PRKN: variants seen among roughly 807,000 people sequenced by gnomAD.
PRKN encodes the protein E3 ubiquitin-protein ligase parkin.
PRKN carries 56 observed loss-of-function variants against 59.5 expected under a neutral mutation model. The observed-to-expected ratio is 0.94, with a 90% confidence interval of 0.76 to 1.18. The LOEUF is 1.18. Ranked by LOEUF, PRKN falls within the 50% of genes most tolerant of loss-of-function variation. The pLI, the probability that PRKN is intolerant of heterozygous loss-of-function variation, is 0.00. For missense variants in PRKN, 657 were observed against 596.4 expected (o/e 1.10, Z -1.06); for synonymous variants, 250 against 222.1 (o/e 1.13, Z -1.12).
At chr6:162,526,767 C>A (rs1583728813) in intron 1 of PRKN, among the ~76,000 whole-genome samples, 1 of 152,160 alleles carries the variant, frequency 6.6e-6, no homozygotes, top group South Asian at 2.1e-4. Context: ...CCAGAGAGGC[C>A]TGGAGACAGA....
chr6:161,702,788 A>G (rs1786308713), intron 7 of PRKN, among the ~76,000 whole-genome samples: 1 of 152,232 alleles, frequency 6.6e-6, no homozygotes, highest in South Asian at 2.1e-4. Context: ...AAGAAAACAC[A>G]GGAGAAAAAT....
At chr6:162,225,905 T>TATATATAC (rs1554287394) in intron 3 of PRKN, among the ~76,000 whole-genome samples, 2 of 146,690 alleles carry the variant, frequency 1.4e-5, no homozygotes, top group East Asian at 4.0e-4. Context: ...TATATATATA[T>TATATATAC]ACTTTTGTTA....
At chr6:161,672,340 A>C (rs1180355880) in intron 7 of PRKN, among the ~76,000 whole-genome samples, 1 of 152,258 alleles carries the variant, frequency 6.6e-6, no homozygotes, top group Admixed American at 6.5e-5. Flanking sequence ...CTTTATGCCC[A>C]TGTAAATGTC....
intron 2 of PRKN, among the ~76,000 whole-genome samples, chr6:162,384,171 T>C (rs1013355977): frequency 2.0e-5 from 3 of 152,196 alleles, no homozygotes; most frequent in Non-Finnish European, 4.4e-5. Flanking sequence ...CATTCACAAA[T>C]TGGCTATTTG....
rs116289141 is a variant in PRKN at position 161,631,144 on chromosome 6, A to T, written c.872-61728T>A. On this transcript the variant is annotated intron_variant, in intron 7 of 11. Transcript: ENST00000366898. ...GATTGGGGGTGAGTACATCAGAATA[A>T]CTCTGCCGTAGCAGACAGGAGTGCC... 9.5e-3 allele frequency among the ~76,000 whole-genome samples: 1,449 copies of T among 152,106 alleles called. 18 individuals are homozygous for T. Among genetic ancestry groups the T allele is most frequent in the African/African-American group, 0.034 (1,399 of 41,506 alleles).
At chr6:161,613,367 A>T (rs1396854781) in intron 7 of PRKN, among the ~76,000 whole-genome samples, 1 of 148,992 alleles carries the variant, frequency 6.7e-6, no homozygotes, top group African/African-American at 2.5e-5. Context: ...ATGCGCAAAG[A>T]TTTTTTTTTT....
intron 1 of PRKN, among the ~76,000 whole-genome samples, chr6:162,580,243 C>G (rs1178554368): frequency 2.0e-5 from 3 of 151,982 alleles, no homozygotes; most frequent in African/African-American, 7.2e-5. Context: ...TTGAGACCAG[C>G]CTGGGTAACA....
At chr6:161,430,831 A>G (rs1430834053) in intron 9 of PRKN, among the ~76,000 whole-genome samples, 1 of 148,074 alleles carries the variant, frequency 6.8e-6, no homozygotes, top group African/African-American at 2.5e-5. Context: ...AAAAAAAAAA[A>G]AAAAAAAGAA....
intron 4 of PRKN, among the ~76,000 whole-genome samples, chr6:162,179,009 C>T (rs752390705): frequency 6.6e-6 from 1 of 152,150 alleles, no homozygotes. Flanking sequence ...GTAGCAGGGA[C>T]TACAGGTGTG....
rs1263606153 is a variant in PRKN, at chr6:161,373,169, A to T, written c.1168-12964T>A. 6.6e-6 allele frequency among the ~76,000 whole-genome samples: 1 copy of T among 152,078 alleles called. No individual in the cohort carries two copies. The highest frequency in any genetic ancestry group is 1.5e-5 in the Non-Finnish European group (1 of 68,014). On this transcript the variant is annotated intron_variant, in intron 10 of 11. Transcript: ENST00000366898. This position sits in a 1 kb window ranked among gnomAD's most constrained non-coding sequence, Gnocchi z 4.8. ...TCTTTGCTCGTCAGGCCTTCCATGG[A>T]CTGGGTGAGGCCCACCCACATTATA...
rs73600950 is a variant in PRKN at position 161,369,111 on chromosome 6, A to C, written c.1168-8906T>G. On this transcript the variant is annotated intron_variant, in intron 10 of 11. Transcript: ENST00000366898. The surrounding 1 kb of genome is among the most constrained non-coding windows in gnomAD (Gnocchi z 5.8). ...CCACTGGTTTAGACCTTTGACTGCC[A>C]CTTCCGAGAGGGGATTTCTACCAGG... Among the ~76,000 whole-genome samples, 2 of 152,156 alleles carry C rather than the reference A, an allele frequency of 1.3e-5. No homozygotes were observed. The highest frequency in any genetic ancestry group is 6.5e-5 in the Admixed American group (1 of 15,282).
At position 162,498,391 on chromosome 6, in the gene PRKN, TC is replaced by T. The variant is rs1562332513; in HGVS notation, c.8-54919del. On this transcript the variant is annotated intron_variant, in intron 1 of 11. Transcript: ENST00000366898. ...AGCAGAATCATTTTTTTTCTTTCTT[TC>T]CTTTTTTTTTTTTTTTTTTTTTTGA... Among the ~76,000 whole-genome samples the T allele has an allele frequency of 6.0e-3, 544 of 90,174 alleles. 22 individuals are homozygous for T. The highest frequency in any genetic ancestry group is 0.011 in the Non-Finnish European group (428 of 39,914). The allele number at this position is 90,174 out of a possible 152,430, so 59.2% of individuals were successfully genotyped here.
intron 8 of PRKN, among the ~76,000 whole-genome samples, chr6:161,559,877 T>C (rs1780387995): frequency 6.6e-6 from 1 of 152,194 alleles, no homozygotes; most frequent in Non-Finnish European, 1.5e-5. Flanking sequence ...TATTTATAAC[T>C]ATCTGAAATG....
At chr6:161,729,953 T>A (rs190561188) in intron 7 of PRKN, among the ~76,000 whole-genome samples, 24 of 152,346 alleles carry the variant, frequency 1.6e-4, no homozygotes, top group Admixed American at 1.2e-3. Context: ...TTCTGATGTG[T>A]TGCATTCTGA....
At chr6:161,748,305 CT>C (rs997142140) in intron 7 of PRKN, among the ~76,000 whole-genome samples, 114 of 147,378 alleles carry the variant, frequency 7.7e-4, no homozygotes, top group South Asian at 3.5e-3. Context: ...GGAGACACGT[CT>C]TTTTTTTTTC....
At position 161,993,015 on chromosome 6, in the gene PRKN, C is replaced by A. The variant is rs2128259201; in HGVS notation, c.619-19598G>T. ...CTACATCAAAAAAGTAGAAAGACTT[C>A]AAATTAACAACCTAACAATGTACCT... On this transcript the variant is annotated intron_variant, in intron 5 of 11. Coordinates refer to ENST00000366898, the MANE Select transcript of PRKN (RefSeq NM_004562.3). Among the ~76,000 whole-genome samples, 2 of 151,998 alleles carry A rather than the reference C, an allele frequency of 1.3e-5. 1 individual carries two copies. The highest frequency in any genetic ancestry group is 4.1e-4 in the South Asian group (2 of 4,820).
intron 2 of PRKN, among the ~76,000 whole-genome samples, chr6:162,318,385 T>A (rs995763772): frequency 3.9e-5 from 6 of 152,082 alleles, no homozygotes; most frequent in African/African-American, 1.4e-4. Flanking sequence ...CACTTATTCA[T>A]TGATGGACAT....
At chr6:161,922,747 T>G (rs966584417) in intron 6 of PRKN, among the ~76,000 whole-genome samples, 2 of 152,190 alleles carry the variant, frequency 1.3e-5, no homozygotes, top group Non-Finnish European at 2.9e-5. Flanking sequence ...AGGCAATGAT[T>G]ACAGGAGTCT....
intron 4 of PRKN, among the ~76,000 whole-genome samples, chr6:162,091,054 C>T (rs1288751531): frequency 6.6e-6 from 1 of 151,988 alleles, no homozygotes; most frequent in Non-Finnish European, 1.5e-5. Flanking sequence ...AAATATCATT[C>T]ATATTAGTAG....
Sources: gnomAD v4.1 joint callset for allele counts (sites outside exome capture counted in the v4.1 genomes callset) on GRCh38, gnomAD v4.1.1 for gene constraint, Gnocchi (gnomAD v3.1) non-coding constraint, MANE v1.5 for transcripts, NCBI Gene and HGNC (gene_info 2026-07-23, HGNC 2026-07-21) for gene names.